Variants in JMJD1C observed in about 807,000 individuals in gnomAD.
The protein encoded by JMJD1C is jumonji domain containing 1C.
A neutral mutation model predicts 245.3 loss-of-function variants in JMJD1C; 31 were observed. The ratio of observed to expected loss-of-function variants is 0.13; its 90% CI spans 0.09 to 0.17. JMJD1C has a LOEUF of 0.17. Among genes scored for constraint, JMJD1C ranks in the 10% least tolerant of loss-of-function variants. The pLI, the probability that JMJD1C is intolerant of heterozygous loss-of-function variation, is 1.00. For synonymous variants in JMJD1C, 1,057 were observed against 1,017.4 expected (o/e 1.04, Z -0.74); for missense variants, 2,691 against 3,000.2 (o/e 0.90, Z 2.41).
intron 18 of JMJD1C, 74 bp downstream of exon 18, chr10:63,189,094 C>A (rs1205216802): frequency 1.5e-6 from 2 of 1,299,834 alleles, no homozygotes; most frequent in Non-Finnish European, 2.1e-6. Context: ...ATTTCTATTC[C>A]TAAGGAGGGA....
chr10:63,222,264 G>A (rs542112629), intron 3 of JMJD1C: 6 of 840,040 alleles, frequency 7.1e-6, no homozygotes, highest in South Asian at 5.3e-5. Context: ...GATGTAACAG[G>A]GAGAGCTGTC....
chr10:63,285,474 G>A (rs1244915387), intron 2 of JMJD1C, among the ~76,000 whole-genome samples: 2 of 152,118 alleles, frequency 1.3e-5, no homozygotes, highest in Admixed American at 1.3e-4. Context: ...TCCCAAATCA[G>A]AAAGATTTGA....
intron 2 of JMJD1C, among the ~76,000 whole-genome samples, chr10:63,307,790 T>C (rs775900702): frequency 6.6e-6 from 1 of 152,146 alleles, no homozygotes; most frequent in African/African-American, 2.4e-5. Context: ...GAATTTAAAA[T>C]AGAAGGTCTC....
intron 2 of JMJD1C, among the ~76,000 whole-genome samples, chr10:63,379,773 G>A (rs1223714449): frequency 1.3e-5 from 2 of 152,018 alleles, no homozygotes; most frequent in Admixed American, 6.6e-5. Context: ...AACTACATAC[G>A]CTGACAGAAT....
At chr10:63,400,712 C>T (rs1414004946) in intron 1 of JMJD1C, among the ~76,000 whole-genome samples, 1 of 152,078 alleles carries the variant, frequency 6.6e-6, no homozygotes, top group Non-Finnish European at 1.5e-5. Flanking sequence ...ACAGATGCAA[C>T]CACCACACCC....
chr10:63,430,022 T>C (rs1950655993), intron 1 of JMJD1C, among the ~76,000 whole-genome samples: 2 of 152,208 alleles, frequency 1.3e-5, no homozygotes, highest in African/African-American at 4.8e-5. Context: ...AAAAAAATCA[T>C]GTTTATTTAT....
chr10:63,280,962 C>CT (rs200324748), intron 2 of JMJD1C, among the ~76,000 whole-genome samples: 2,332 of 143,732 alleles, frequency 0.016, 35 homozygotes, highest in African/African-American at 0.036. Context: ...ACCTCTTTTT[C>CT]TTTTTTTTTT....
intron 2 of JMJD1C, among the ~76,000 whole-genome samples, chr10:63,307,490 ACAGGGG>A (rs1938432386): frequency 6.6e-6 from 1 of 152,200 alleles, no homozygotes; most frequent in Non-Finnish European, 1.5e-5. Flanking sequence ...CCTCATAAGG[ACAGGGG>A]CAAAGTGGGT....
rs544397690 is a variant in JMJD1C, at chr10:63,376,854, A to G, written c.333+3464T>C. On this transcript the variant is annotated intron_variant, in intron 2 of 25. Transcript: ENST00000399262. ...GAAAAATGGTGCAGCCACTTGGAAA[A>G]CAGTATGAAAGTGCCTCAAAAAATT... is the stretch of plus-strand genomic sequence containing the variant. Among the ~76,000 whole-genome samples, 6 of 152,308 alleles carry G rather than the reference A, an allele frequency of 3.9e-5. No individual in the cohort carries two copies. The South Asian group carries it at 1.2e-3, about 32-fold the overall frequency.
chr10:63,309,494 C>CAA (rs71025153), intron 2 of JMJD1C, among the ~76,000 whole-genome samples: 2,979 of 47,608 alleles, frequency 0.063, 198 homozygotes, highest in Non-Finnish European at 0.077. Context: ...GACTCCATCT[C>CAA]AAAAAAAAAA....
At chr10:63,260,036 G>T (rs963631846) in intron 3 of JMJD1C, among the ~76,000 whole-genome samples, 11 of 151,984 alleles carry the variant, frequency 7.2e-5, no homozygotes, top group African/African-American at 2.7e-4. Flanking sequence ...AGAGTAGCTG[G>T]GATCCAGAAC....
intron 1 of JMJD1C, chr10:63,427,434 T>C: frequency 8.7e-7 from 1 of 1,145,244 alleles, no homozygotes; most frequent in Non-Finnish European, 1.3e-6. Flanking sequence ...AGGTGACTGC[T>C]GACCAGAAAC....
At chr10:63,322,794 T>G (rs1941042058) in intron 2 of JMJD1C, among the ~76,000 whole-genome samples, 1 of 114,334 alleles carries the variant, frequency 8.7e-6, no homozygotes, top group East Asian at 2.5e-4. Flanking sequence ...CAGAGTGAGA[T>G]TCCATCTCAA....
At position 63,177,706 on chromosome 10, in the gene JMJD1C, C is replaced by T; in HGVS notation, c.7224+11G>A. ...GAGGGGAAGAGATATTATTTGCAAA[C>T]TAACTTATACCTTTTGAAGAAATTC... is the stretch of plus-strand genomic sequence containing the variant. On this transcript the variant is annotated intron_variant, in intron 23 of 25. Transcript: ENST00000399262. 1 of 1,613,456 alleles carries T rather than the reference C, an allele frequency of 6.2e-7. No homozygotes were observed. The highest frequency in any genetic ancestry group is 2.2e-5 in the East Asian group (1 of 44,858).
At chr10:63,423,984 G>T (rs193199682) in intron 1 of JMJD1C, among the ~76,000 whole-genome samples, 1 of 152,060 alleles carries the variant, frequency 6.6e-6, no homozygotes, top group Non-Finnish European at 1.5e-5. Flanking sequence ...TTAAAATTGG[G>T]TTGTTTTCCT....
intron 10 of JMJD1C, among the ~76,000 whole-genome samples, chr10:63,201,680 A>T (rs897540291): frequency 2.0e-5 from 3 of 152,200 alleles, no homozygotes; most frequent in Non-Finnish European, 4.4e-5. Context: ...CTGTAATCCC[A>T]GTACTTTGGG....
chr10:63,200,877 T>G (rs1845932610), intron 10 of JMJD1C, among the ~76,000 whole-genome samples, 200 bp from the exon 11 acceptor site: 1 of 152,214 alleles, frequency 6.6e-6, no homozygotes, highest in Non-Finnish European at 1.5e-5. Flanking sequence ...ACCAATTCTA[T>G]TAACCAAATG....
intron 1 of JMJD1C, among the ~76,000 whole-genome samples, chr10:63,403,627 C>CT: frequency 6.6e-6 from 1 of 152,260 alleles, no homozygotes; most frequent in Middle Eastern, 3.4e-3. Flanking sequence ...GTTTTCCTTT[C>CT]TTTTTTCCAA....
chr10:63,521,706 C>T, intron 1 of JMJD1C: 1 of 560,196 alleles, frequency 1.8e-6, no homozygotes, highest in Non-Finnish European at 2.7e-6. Flanking sequence ...TCGGGCCTGC[C>T]GAGGGTCTGG....
Sources: allele counts gnomAD v4.1 joint callset (sites outside exome capture counted in the v4.1 genomes callset), GRCh38; gene constraint gnomAD v4.1.1; transcripts MANE v1.5; gene names NCBI Gene and HGNC (gene_info 2026-07-23, HGNC 2026-07-21).